Variants in SCLT1 observed in about 807,000 individuals in gnomAD.
SCLT1 encodes the protein sodium channel-associated protein 1.
SCLT1 carries 78 observed loss-of-function variants against 112.8 expected under a neutral mutation model. That is an observed-to-expected ratio of 0.69 (90% CI 0.58 to 0.83). SCLT1 has a LOEUF of 0.83. Among genes scored for constraint, SCLT1 ranks in the 40% least tolerant of loss-of-function variants. The pLI is 0.00. For missense variants in SCLT1, 747 were observed against 770.4 expected (o/e 0.97, Z 0.36); for synonymous variants, 257 against 254.7 (o/e 1.01, Z -0.09).
intron 2 of SCLT1, among the ~76,000 whole-genome samples, chr4:129,067,814 G>T (rs1389319910): frequency 6.6e-6 from 1 of 151,596 alleles, no homozygotes. Context: ...GCCTGGCAAA[G>T]AAGTAATATT....
chr4:128,922,515 T>C (rs374785978), intron 18 of SCLT1, among the ~76,000 whole-genome samples: 166 of 151,834 alleles, frequency 1.1e-3, no homozygotes, highest in African/African-American at 3.9e-3. Context: ...ACGGATGGAG[T>C]TGGAGGCCAC....
At position 129,092,191 on chromosome 4, in the gene SCLT1, C is replaced by A. The variant is rs187836832; in HGVS notation, c.34+879G>T. On this transcript the variant is annotated intron_variant, in intron 1 of 20. Coordinates refer to ENST00000281142, the MANE Select transcript of SCLT1 (RefSeq NM_144643.4). ...ATGCAATGGTCCATACTCCTTAGCA[C>A]AGAGAAGACAGGGCCCTTCACCATC... Among the ~76,000 whole-genome samples the A allele has an allele frequency of 7.9e-4, 120 of 152,340 alleles. 1 individual carries two copies. In the Middle Eastern group the frequency reaches 0.031, roughly 39 times the overall value.
At chr4:129,040,049 G>T in intron 4 of SCLT1, 2 of 626,230 alleles carry the variant, frequency 3.2e-6, no homozygotes, top group South Asian at 1.8e-5. Context: ...GCTTATCCTG[G>T]AGTACACTTT....
chr4:129,025,665 C>A (rs1216322551), intron 5 of SCLT1, among the ~76,000 whole-genome samples: 1 of 152,116 alleles, frequency 6.6e-6, no homozygotes, highest in Non-Finnish European at 1.5e-5. Flanking sequence ...AACCAGCTAA[C>A]ATCATAATGA....
In SCLT1 at chr4:128,884,296, C is replaced by T. The variant is rs1732730642; in HGVS notation, c.*181G>A. ...GAAGCTCAATATAGGATTATATTTT[C>T]TTTACTTACAGGAAGTGGTCACTGC... On this transcript the variant is annotated 3_prime_UTR_variant, in exon 21 of 21. Transcript: ENST00000281142. 1 of 485,028 alleles carries T rather than the reference C, an allele frequency of 2.1e-6. No individual in the cohort carries two copies. Among genetic ancestry groups the T allele is most frequent in the South Asian group, 4.2e-5 (1 of 23,946 alleles). The allele number at this position is 485,028 out of a possible 1,614,324, so 30.0% of individuals were successfully genotyped here.
chr4:129,064,297 G>C (rs1341007874), intron 2 of SCLT1, among the ~76,000 whole-genome samples: 1 of 152,054 alleles, frequency 6.6e-6, no homozygotes, highest in Non-Finnish European at 1.5e-5. Context: ...TCCTGTAACA[G>C]AGCCAAAGTT....
intron 2 of SCLT1, among the ~76,000 whole-genome samples, chr4:129,079,506 C>T (rs1425374153): frequency 1.3e-5 from 2 of 152,194 alleles, no homozygotes; most frequent in Non-Finnish European, 2.9e-5. Flanking sequence ...CCTTTGACTC[C>T]ATGTCTCACA....
At chr4:128,882,446 T>A (rs543560322), downstream of SCLT1, among the ~76,000 whole-genome samples, 1 of 152,390 alleles carries the variant, frequency 6.6e-6, no homozygotes, top group Admixed American at 6.5e-5. Flanking sequence ...TGTTGGAGTC[T>A]CTTTGTTATG....
chr4:128,997,329 T>C (rs920564010), intron 8 of SCLT1: 2 of 151,844 alleles, frequency 1.3e-5, no homozygotes, highest in Admixed American at 1.3e-4. Flanking sequence ...GTCATAATTC[T>C]ATTACTCAAC....
At chr4:129,041,652 A>G (rs544511468) in intron 4 of SCLT1, 2 of 152,332 alleles carry the variant, frequency 1.3e-5, no homozygotes, top group Non-Finnish European at 2.9e-5. Context: ...CCGTGCATAA[A>G]AAGAAAAGGA....
At chr4:128,984,930 A>G (rs1560928144) in intron 9 of SCLT1, among the ~76,000 whole-genome samples, 3 of 152,052 alleles carry the variant, frequency 2.0e-5, no homozygotes, top group Non-Finnish European at 4.4e-5. Flanking sequence ...TAAAATATAT[A>G]TTGTTATTAC....
intron 18 of SCLT1, among the ~76,000 whole-genome samples, chr4:128,903,792 T>G (rs1175769861): frequency 6.6e-6 from 1 of 152,170 alleles, no homozygotes; most frequent in Non-Finnish European, 1.5e-5. Flanking sequence ...GTCAGGATGT[T>G]TCATTGCAGG....
Position 128,952,854 on chromosome 4 carries a change from C to A in SCLT1, c.1147-14G>T. The A allele has an allele frequency of 8.1e-7, 1 of 1,227,832 alleles. No individual in the cohort carries two copies. Among genetic ancestry groups the A allele is most frequent in the Non-Finnish European group, 1.2e-6 (1 of 829,560 alleles). 76.1% of individuals were successfully genotyped at this position (1,227,832 alleles called of 1,614,324 possible). A position where few individuals can be genotyped will look rare whatever the true frequency, so the allele number is the denominator to read the frequency against. On this transcript the variant is annotated splice_polypyrimidine_tract_variant and intron_variant, in intron 13 of 20. Coordinates refer to ENST00000281142, the MANE Select transcript of SCLT1 (RefSeq NM_144643.4). ...GGTGTTTGCAACCTGTAAATTAAGA[C>A]ATTTACTCATTATTTGGTTCTAGAA...
At chr4:128,898,494 T>C (rs1290785103) in intron 18 of SCLT1, among the ~76,000 whole-genome samples, 10 of 150,456 alleles carry the variant, frequency 6.6e-5, no homozygotes, top group Admixed American at 2.0e-4. Flanking sequence ...AGACACAACA[T>C]ACCAGAATCT....
chr4:128,944,359 T>C (rs759321999), intron 16 of SCLT1, among the ~76,000 whole-genome samples: 10 of 152,150 alleles, frequency 6.6e-5, no homozygotes, highest in Middle Eastern at 3.4e-3. Flanking sequence ...CACAATATCA[T>C]CATCTATGAA....
intron 2 of SCLT1, among the ~76,000 whole-genome samples, chr4:129,057,779 T>A (rs1282347078): frequency 1.3e-5 from 2 of 150,636 alleles, no homozygotes; most frequent in African/African-American, 4.9e-5. Context: ...TGAGAGGGAG[T>A]CTTGCTCTGT....
intron 2 of SCLT1, among the ~76,000 whole-genome samples, chr4:129,057,046 G>C (rs1334137562): frequency 6.6e-6 from 1 of 152,152 alleles, no homozygotes. Context: ...AAATCAAGAA[G>C]ATATGTTGAA....
At chr4:128,950,558 AATAG>A (rs1260990540) in intron 14 of SCLT1, among the ~76,000 whole-genome samples, 2 of 152,180 alleles carry the variant, frequency 1.3e-5, no homozygotes, top group Non-Finnish European at 1.5e-5. Flanking sequence ...ATGACAAAAT[AATAG>A]ATATTTTTTC....
At chr4:128,981,238 C>T (rs1446659255) in intron 9 of SCLT1, among the ~76,000 whole-genome samples, 1 of 152,150 alleles carries the variant, frequency 6.6e-6, no homozygotes, top group Non-Finnish European at 1.5e-5. Context: ...TCTCTTTGTC[C>T]ATTCCTGGGC....
Sources: gnomAD v4.1 joint callset for allele counts (sites outside exome capture counted in the v4.1 genomes callset) on GRCh38, gnomAD v4.1.1 for gene constraint, MANE v1.5 for transcripts, NCBI Gene and HGNC (gene_info 2026-07-23, HGNC 2026-07-21) for gene names.